The following CADM2 variants were observed in gnomAD, a reference collection of about 807,000 sequenced individuals.
CADM2 encodes the protein cell adhesion molecule 2, also known as immunoglobulin superfamily member 4D.
CADM2 carries 12 observed loss-of-function variants against 49.8 expected under a neutral mutation model. The ratio of observed to expected loss-of-function variants is 0.24; its 90% CI spans 0.15 to 0.39. CADM2 has a LOEUF of 0.39. Among genes scored for constraint, CADM2 ranks in the 10% least tolerant of loss-of-function variants. The pLI is 1.00. For missense variants in CADM2, 378 were observed against 492.3 expected, an observed-to-expected ratio of 0.77 and a Z score of 2.20; for synonymous variants, 214 against 175.4, an observed-to-expected ratio of 1.22 and a Z score of -1.74.
At chr3:85,299,617 C>T (rs956921977) in intron 1 of CADM2, among the ~76,000 whole-genome samples, 1 of 152,064 alleles carries the variant, frequency 6.6e-6, no homozygotes, top group Non-Finnish European at 1.5e-5. Context: ...GACTCCAAAG[C>T]TGTTCTGCCT....
intron 1 of CADM2, among the ~76,000 whole-genome samples, chr3:85,606,485 T>G (rs1412170457): frequency 6.6e-6 from 1 of 152,132 alleles, no homozygotes; most frequent in Non-Finnish European, 1.5e-5. Flanking sequence ...CATATGCATA[T>G]TAGAATATTG....
chr3:85,853,591 T>C (rs13066229), intron 3 of CADM2, among the ~76,000 whole-genome samples: 1 of 151,496 alleles, frequency 6.6e-6, no homozygotes, highest in Non-Finnish European at 1.5e-5. Flanking sequence ...AAATTTGTAA[T>C]ACTTCGAAAA....
intron 1 of CADM2, among the ~76,000 whole-genome samples, chr3:85,211,117 G>A (rs549053009): frequency 6.6e-6 from 1 of 152,138 alleles, no homozygotes; most frequent in South Asian, 2.1e-4. Context: ...TTTAATTTCT[G>A]TGTTATCAGT....
chr3:85,790,452 T>G (rs1457205605), intron 2 of CADM2, among the ~76,000 whole-genome samples: 1 of 152,212 alleles, frequency 6.6e-6, no homozygotes, highest in Non-Finnish European at 1.5e-5. Flanking sequence ...CCTAGAAAAC[T>G]ATTATCACAT....
chr3:85,384,098 C>T (rs73134750), intron 1 of CADM2, among the ~76,000 whole-genome samples: 29,714 of 152,008 alleles, frequency 0.2, 3,705 homozygotes, highest in East Asian at 0.3. Flanking sequence ...TTTACACTTC[C>T]ACCAATGTTG....
At chr3:85,573,959 T>A (rs1253947099) in intron 1 of CADM2, among the ~76,000 whole-genome samples, 2 of 152,150 alleles carry the variant, frequency 1.3e-5, no homozygotes, top group Non-Finnish European at 2.9e-5. Flanking sequence ...AAATTTCAGC[T>A]TCTGCTTACC....
intron 5 of CADM2, among the ~76,000 whole-genome samples, chr3:85,895,830 G>T (rs1306826804): frequency 6.6e-6 from 1 of 152,106 alleles, no homozygotes; most frequent in East Asian, 1.9e-4. Flanking sequence ...TGTGCTTTCT[G>T]CCATGAGGCC....
chr3:84,997,700 A>G (rs1003102134), intron 1 of CADM2, among the ~76,000 whole-genome samples: 7 of 152,174 alleles, frequency 4.6e-5, no homozygotes, highest in Non-Finnish European at 7.4e-5. Context: ...TGTTTTATAT[A>G]TGAATATCAA....
At chr3:85,859,306 C>A (rs940035865) in intron 3 of CADM2, among the ~76,000 whole-genome samples, 12 of 130,356 alleles carry the variant, frequency 9.2e-5, no homozygotes, top group Non-Finnish European at 1.7e-4. Flanking sequence ...TCTTGGCTCA[C>A]TGCAACCTCT....
intron 1 of CADM2, among the ~76,000 whole-genome samples, chr3:85,723,465 A>C (rs1383745570): frequency 6.6e-6 from 1 of 152,146 alleles, no homozygotes; most frequent in Non-Finnish European, 1.5e-5. Context: ...CATTCATGAC[A>C]GTATTCCTGT....
At chr3:85,542,581 TTA>T (rs2061573680) in intron 1 of CADM2, among the ~76,000 whole-genome samples, 1 of 152,202 alleles carries the variant, frequency 6.6e-6, no homozygotes, top group South Asian at 2.1e-4. Flanking sequence ...ATGAAAATCT[TTA>T]TAAACAGTAT....
At chr3:85,060,209 C>T (rs2036252435) in intron 1 of CADM2, among the ~76,000 whole-genome samples, 1 of 152,154 alleles carries the variant, frequency 6.6e-6, no homozygotes, top group South Asian at 2.1e-4. Context: ...TGGCTCACTG[C>T]AACCTCTGCC....
At chr3:85,967,649 T>C (rs1364077044) in intron 8 of CADM2, among the ~76,000 whole-genome samples, 1 of 151,598 alleles carries the variant, frequency 6.6e-6, no homozygotes, top group Non-Finnish European at 1.5e-5. Context: ...AAATGTCCTT[T>C]TGTGCTTCAT....
chr3:85,590,015 T>C (rs1439358743), intron 1 of CADM2, among the ~76,000 whole-genome samples: 1 of 152,040 alleles, frequency 6.6e-6, no homozygotes, highest in Non-Finnish European at 1.5e-5. Flanking sequence ...GAGACACTTT[T>C]GTGGAATGTA....
intron 8 of CADM2, among the ~76,000 whole-genome samples, chr3:86,003,568 A>C (rs1318378499): frequency 6.6e-6 from 1 of 152,238 alleles, no homozygotes; most frequent in Non-Finnish European, 1.5e-5. Context: ...TGTTTAGAAT[A>C]ATGCCTATTA....
intron 1 of CADM2, among the ~76,000 whole-genome samples, chr3:85,116,472 A>T (rs2107580649): frequency 6.6e-6 from 1 of 152,308 alleles, no homozygotes; most frequent in South Asian, 2.1e-4. Context: ...TGAGTTATCA[A>T]AGGTAAGTTA....
intron 1 of CADM2, among the ~76,000 whole-genome samples, chr3:85,265,426 T>A (rs1281861043): frequency 6.6e-6 from 1 of 151,970 alleles, no homozygotes; most frequent in African/African-American, 2.4e-5. Context: ...GGGACCTGTG[T>A]CTGTTAAGGG....
intron 1 of CADM2, among the ~76,000 whole-genome samples, chr3:85,041,554 G>T (rs954579385): frequency 6.6e-6 from 1 of 152,094 alleles, no homozygotes; most frequent in Non-Finnish European, 1.5e-5. Flanking sequence ...TATATGTAGT[G>T]CATATGTTCT....
chr3:85,243,201 C>G (rs561778950), intron 1 of CADM2, among the ~76,000 whole-genome samples: 78 of 151,774 alleles, frequency 5.1e-4, no homozygotes, highest in African/African-American at 1.7e-3. Context: ...TACTGTATTT[C>G]AATAGCAATA....
Sources: allele counts gnomAD v4.1 joint callset (sites outside exome capture counted in the v4.1 genomes callset), GRCh38; gene constraint gnomAD v4.1.1; transcripts MANE v1.5; gene names NCBI Gene and HGNC (gene_info 2026-07-23, HGNC 2026-07-21).